The following CLIC5 variants were observed in gnomAD, a reference collection of about 807,000 sequenced individuals.
CLIC5 encodes chloride intracellular channel protein 5.
CLIC5 carries 20 observed loss-of-function variants against 24.7 expected under a neutral mutation model. The ratio of observed to expected loss-of-function variants is 0.81; its 90% confidence interval spans 0.57 to 1.18. The LOEUF (loss-of-function observed/expected upper bound fraction) is 1.18. Among genes scored for constraint, CLIC5 ranks in the 50% most tolerant of loss-of-function variants. CLIC5 has a pLI of 0.00. For missense variants in CLIC5, 341 were observed against 326.1 expected (o/e 1.05, Z -0.35); for synonymous variants, 159 against 135.6 (o/e 1.17, Z -1.20).
At chr6:45,962,063 T>TAG (rs1426398488) in intron 1 of CLIC5, among the ~76,000 whole-genome samples, 2 of 145,512 alleles carry the variant, frequency 1.4e-5, no homozygotes, top group Admixed American at 1.4e-4. Flanking sequence ...TATATGTACA[T>TAG]ACACACACAC....
intron 4 of CLIC5, among the ~76,000 whole-genome samples, chr6:45,930,165 A>T (rs1458518110): frequency 6.6e-6 from 1 of 152,186 alleles, no homozygotes; most frequent in African/African-American, 2.4e-5. Flanking sequence ...CCCCAGCAGC[A>T]GTGGCTTTCA....
intron 1 of CLIC5, among the ~76,000 whole-genome samples, chr6:46,012,164 A>T (rs1766831283): frequency 6.6e-6 from 1 of 151,752 alleles, no homozygotes; most frequent in African/African-American, 2.4e-5. Flanking sequence ...ATTCCCTTTC[A>T]CTCTCAAAAG....
intron 1 of CLIC5, among the ~76,000 whole-genome samples, chr6:46,056,086 T>C (rs562174063): frequency 6.6e-6 from 1 of 152,346 alleles, no homozygotes; most frequent in South Asian, 2.1e-4. Context: ...TGTTAAATTT[T>C]ACGTTATGTA....
intron 1 of CLIC5, among the ~76,000 whole-genome samples, chr6:46,069,078 T>C (rs949585970): frequency 6.6e-6 from 1 of 151,974 alleles, no homozygotes; most frequent in Non-Finnish European, 1.5e-5. Context: ...AGGAAAAGCA[T>C]TGAAAGAGGG....
At chr6:46,033,174 C>A (rs1020425806) in intron 1 of CLIC5, among the ~76,000 whole-genome samples, 3 of 151,172 alleles carry the variant, frequency 2.0e-5, no homozygotes, top group African/African-American at 7.3e-5. Flanking sequence ...TTTTTAGTAC[C>A]GACAGGGTTT....
intron 4 of CLIC5, among the ~76,000 whole-genome samples, chr6:45,922,213 A>G (rs1196685267): frequency 6.6e-6 from 1 of 152,234 alleles, no homozygotes; most frequent in Non-Finnish European, 1.5e-5. Context: ...AGTTCTTTCC[A>G]GTAAGAAGCC....
chr6:45,927,700 G>A (rs967452720), intron 4 of CLIC5, among the ~76,000 whole-genome samples: 22 of 152,226 alleles, frequency 1.4e-4, no homozygotes, highest in African/African-American at 5.1e-4. Context: ...GCTGCCCCTA[G>A]AGACTCAAAG....
At chr6:45,967,580 A>G (rs968492398) in intron 1 of CLIC5, among the ~76,000 whole-genome samples, 1 of 152,188 alleles carries the variant, frequency 6.6e-6, no homozygotes, top group African/African-American at 2.4e-5. Context: ...TGAACAATGC[A>G]GGTGTATTAG....
chr6:46,016,642 G>T (rs1170199971), upstream of CLIC5, among the ~76,000 whole-genome samples: 1 of 152,066 alleles, frequency 6.6e-6, no homozygotes, highest in East Asian at 1.9e-4. Context: ...CATATCTTAG[G>T]TGTATGCCTC....
At chr6:45,943,149 G>A (rs1482679894) in intron 3 of CLIC5, among the ~76,000 whole-genome samples, 1 of 152,250 alleles carries the variant, frequency 6.6e-6, no homozygotes, top group Non-Finnish European at 1.5e-5. Flanking sequence ...GTGGCATAGA[G>A]AGGTTAAGCA....
intron 4 of CLIC5, among the ~76,000 whole-genome samples, chr6:45,931,424 A>T (rs1189360297): frequency 6.6e-6 from 1 of 152,188 alleles, no homozygotes; most frequent in Admixed American, 6.5e-5. Context: ...GGGCAGCTCA[A>T]GGTCAAGCAA....
At chr6:46,026,810 A>G (rs1477893268) in intron 1 of CLIC5, among the ~76,000 whole-genome samples, 1 of 152,196 alleles carries the variant, frequency 6.6e-6, no homozygotes, top group African/African-American at 2.4e-5. Context: ...CCAGCTAAGT[A>G]GACACAATAT....
intron 4 of CLIC5, among the ~76,000 whole-genome samples, chr6:45,932,284 T>G (rs183632868): frequency 6.6e-6 from 1 of 152,130 alleles, no homozygotes; most frequent in Non-Finnish European, 1.5e-5. Flanking sequence ...AATTTTTGTA[T>G]TTTTAGTAGA....
chr6:45,941,708 G>A (rs533860100), intron 3 of CLIC5, 55 bp from the exon 4 acceptor site: 15 of 1,289,882 alleles, frequency 1.2e-5, no homozygotes, highest in Non-Finnish European at 1.6e-5. Context: ...CTCCTTTAAG[G>A]GTGAGCCTAT....
intron 6 of CLIC5, among the ~76,000 whole-genome samples, chr6:45,884,973 T>TGTTTTTTTTTTTTTTTTTTTTTTTTA (rs1561910232): frequency 1.3e-5 from 2 of 151,186 alleles, no homozygotes; most frequent in East Asian, 3.9e-4. Context: ...AAATAGGTTT[T>TGTTTTTTTTTTTTTTTTTTTTTTTTA]TTAAAAAATC....
At chr6:45,914,114 C>G (rs1762922389) in intron 5 of CLIC5, 114 bp downstream of exon 5, 1 of 818,334 alleles carries the variant, frequency 1.2e-6, no homozygotes, top group Non-Finnish European at 1.7e-6. Flanking sequence ...TACCTGACTT[C>G]AGGGTCCAGG....
intron 1 of CLIC5, among the ~76,000 whole-genome samples, chr6:46,034,017 T>A (rs1767593729): frequency 6.6e-6 from 1 of 152,188 alleles, no homozygotes; most frequent in African/African-American, 2.4e-5. Flanking sequence ...CATGTTAGTA[T>A]AACATAAACA....
intron 1 of CLIC5, among the ~76,000 whole-genome samples, chr6:46,073,011 A>G (rs78813283): frequency 0.015 from 2,253 of 152,322 alleles, 66 homozygotes; most frequent in African/African-American, 0.05. Flanking sequence ...AGCCCAATGT[A>G]CTAGCTTGCC....
the CLIC5 span, among the ~76,000 whole-genome samples, chr6:46,106,984 A>G: frequency 6.6e-6 from 1 of 152,188 alleles, no homozygotes; most frequent in African/African-American, 2.4e-5. Flanking sequence ...TTGTATTTTT[A>G]TATATACGTG....
Sources: gnomAD v4.1 joint callset for allele counts (sites outside exome capture counted in the v4.1 genomes callset) on GRCh38, gnomAD v4.1.1 for gene constraint, MANE v1.5 for transcripts, NCBI Gene and HGNC (gene_info 2026-07-23, HGNC 2026-07-21) for gene names.